Variants in ANOS1 observed in about 807,000 individuals in gnomAD.
The protein encoded by ANOS1 is anosmin-1.
ANOS1 carries 6 observed loss-of-function variants against 59.0 expected under a neutral mutation model. The ratio of observed to expected loss-of-function variants is 0.10; its 90% confidence interval spans 0.06 to 0.20. The LOEUF (loss-of-function observed/expected upper bound fraction) is 0.20, where lower values mean the gene tolerates loss of function less well. Ranked by LOEUF, ANOS1 falls within the 10% of genes least tolerant of loss-of-function variation. ANOS1 has a pLI of 1.00. For synonymous variants in ANOS1, 217 were observed against 223.4 expected (o/e 0.97, Z 0.25); for missense variants, 433 against 542.3 (o/e 0.80, Z 2.00).
chrX:8,681,436 A>G (rs1020042174), intron 2 of ANOS1, among the ~76,000 whole-genome samples: 1 of 112,162 alleles, frequency 8.9e-6, no homozygotes, highest in African/African-American at 3.2e-5. Context: ...CTTTCAAGAG[A>G]ATATAGTTAC....
intron 1 of ANOS1, among the ~76,000 whole-genome samples, chrX:8,726,661 C>A (rs188041406): frequency 1.8e-5 from 2 of 112,695 alleles, no homozygotes; most frequent in Non-Finnish European, 3.7e-5. Flanking sequence ...CCCAAGCCTG[C>A]CCATGCTTAG....
chrX:8,673,145 G>T (rs1932282720), intron 2 of ANOS1, among the ~76,000 whole-genome samples: 1 of 110,772 alleles, frequency 9.0e-6, no homozygotes, highest in African/African-American at 3.3e-5. Flanking sequence ...ATATTAAGAT[G>T]AAACCTGTAT....
At chrX:8,646,972 T>C (rs1569072537) in intron 2 of ANOS1, among the ~76,000 whole-genome samples, 1 of 107,864 alleles carries the variant, frequency 9.3e-6, no homozygotes, top group African/African-American at 3.4e-5. Context: ...ACAGGGCACT[T>C]GCATGCTACC....
chrX:8,653,730 G>A (rs758047309), intron 2 of ANOS1, among the ~76,000 whole-genome samples: 8 of 111,530 alleles, frequency 7.2e-5, no homozygotes, highest in Non-Finnish European at 1.3e-4. Context: ...GGCTCACTGC[G>A]TTTTTTGTCT....
At chrX:8,542,434 A>C (rs1053369041) in intron 9 of ANOS1, among the ~76,000 whole-genome samples, 2 of 110,227 alleles carry the variant, frequency 1.8e-5, no homozygotes, top group African/African-American at 6.6e-5. Context: ...TGTATCTGAG[A>C]ATAAGGATAC....
At chrX:8,601,211 A>G (rs953035565) in intron 3 of ANOS1, among the ~76,000 whole-genome samples, 4 of 109,458 alleles carry the variant, frequency 3.7e-5, no homozygotes, top group Non-Finnish European at 7.6e-5. Context: ...AAAAAAAAAA[A>G]AAAGAAATAC....
At chrX:8,587,753 T>C in intron 5 of ANOS1, 41 bp downstream of exon 5, 1 of 1,097,048 alleles carries the variant, frequency 9.1e-7, no homozygotes, top group African/African-American at 1.8e-5. Context: ...TAGCAGACAC[T>C]ACCTCCAGGA....
rs747706064 is a variant in ANOS1, at chrX:8,732,038, G to A, written c.-2C>T. 2.7e-5 allele frequency: 26 copies of A among 973,151 alleles called. No individual in the cohort carries two copies. Among genetic ancestry groups the A allele is most frequent in the Non-Finnish European group, 1.3e-6 (1 of 777,287 alleles). 80.2% of individuals were successfully genotyped at this position (973,151 alleles called of 1,213,427 possible). A position where few individuals can be genotyped will look rare whatever the true frequency, so the allele number is the denominator to read the frequency against. On this transcript the variant is annotated 5_prime_UTR_variant, in exon 1 of 14. Coordinates refer to ENST00000262648, the MANE Select transcript of ANOS1 (RefSeq NM_000216.4). ...CGCGCCGGGCACCCCGGGCACCATG[G>A]CTGCGGGTCGAGGGCGAGGGCGAGG...
chrX:8,697,556 C>A (rs1932701784), intron 2 of ANOS1, among the ~76,000 whole-genome samples: 1 of 111,552 alleles, frequency 9.0e-6, no homozygotes, highest in African/African-American at 3.3e-5. Flanking sequence ...GAGATCTATT[C>A]CACAGGGGCT....
intron 2 of ANOS1, among the ~76,000 whole-genome samples, chrX:8,655,409 T>C (rs1174378071): frequency 9.0e-6 from 1 of 111,540 alleles, no homozygotes; most frequent in Non-Finnish European, 1.9e-5. Flanking sequence ...TGAGCCATGG[T>C]GAGTAGCTGT....
At chrX:8,569,515 G>T (rs185776707) in intron 7 of ANOS1, among the ~76,000 whole-genome samples, 4 of 111,391 alleles carry the variant, frequency 3.6e-5, no homozygotes, top group Non-Finnish European at 3.8e-5. Context: ...GGTGGCGGGC[G>T]CCTGTAGTCC....
chrX:8,577,468 A>G (rs1003696793), intron 6 of ANOS1, among the ~76,000 whole-genome samples: 2 of 111,937 alleles, frequency 1.8e-5, no homozygotes, highest in African/African-American at 6.5e-5. Flanking sequence ...GCAGAAACAC[A>G]CTGCAGAGAG....
intron 13 of ANOS1, among the ~76,000 whole-genome samples, chrX:8,533,476 AAATTATAAGCATACCAAGTTATC>A (rs1929533605): frequency 8.9e-6 from 1 of 112,522 alleles, no homozygotes; most frequent in Admixed American, 9.4e-5. Flanking sequence ...GTTTTTCTTC[AAATTATAAGCATACCAAGTTATC>A]AATTATAAGC....
intron 2 of ANOS1, among the ~76,000 whole-genome samples, chrX:8,668,455 G>C (rs1245862440): frequency 3.7e-5 from 2 of 54,794 alleles, no homozygotes; most frequent in Non-Finnish European, 6.9e-5. Flanking sequence ...ATATATATAT[G>C]GTATTCCATC....
At chrX:8,672,021 C>T (rs781491397) in intron 2 of ANOS1, among the ~76,000 whole-genome samples, 1 of 111,101 alleles carries the variant, frequency 9.0e-6, no homozygotes, top group East Asian at 2.8e-4. Context: ...CCTTACTCCT[C>T]CTAACTGAAA....
intron 2 of ANOS1, among the ~76,000 whole-genome samples, chrX:8,665,462 T>C (rs1425917636): frequency 8.9e-6 from 1 of 112,163 alleles, no homozygotes; most frequent in East Asian, 2.8e-4. Context: ...TGGAAAAAAA[T>C]AGTGGAAGGT....
chrX:8,615,996 T>C (rs1931167290), intron 3 of ANOS1, among the ~76,000 whole-genome samples: 1 of 110,577 alleles, frequency 9.0e-6, no homozygotes, highest in African/African-American at 3.3e-5. Flanking sequence ...AAATGTTTGA[T>C]TACCTTGTTC....
In ANOS1 at chrX:8,600,153, A is replaced by G. The variant is rs185027852; in HGVS notation, c.319-2897T>C. Among the ~76,000 whole-genome samples the G allele has an allele frequency of 8.3e-3, 936 of 112,416 alleles. 18 individuals carry two copies. Among genetic ancestry groups the G allele is most frequent in the African/African-American group, 0.029 (883 of 30,970 alleles). ...TGCGTAAGAGTTGACGGCAAATGTT[A>G]TATTATGTGCATTTTACCACAATTT... On this transcript the variant is annotated intron_variant, in intron 3 of 13. Coordinates refer to ENST00000262648, the MANE Select transcript of ANOS1 (RefSeq NM_000216.4).
chrX:8,652,839 T>A (rs937065924), intron 2 of ANOS1, among the ~76,000 whole-genome samples: 1 of 111,131 alleles, frequency 9.0e-6, no homozygotes, highest in Non-Finnish European at 1.9e-5. Flanking sequence ...CTTACTTATT[T>A]AATTAAATTT....
Sources: gnomAD v4.1 joint callset for allele counts (sites outside exome capture counted in the v4.1 genomes callset) on GRCh38, gnomAD v4.1.1 for gene constraint, MANE v1.5 for transcripts, NCBI Gene and HGNC (gene_info 2026-07-23, HGNC 2026-07-21) for gene names.